AASS: variants seen among roughly 807,000 people sequenced by gnomAD.
AASS encodes the protein alpha-aminoadipic semialdehyde synthase, mitochondrial.
Under a neutral mutation model 105.4 loss-of-function variants are expected in AASS, and 86 were observed. That is an observed-to-expected ratio of 0.82 (90% confidence interval 0.69 to 0.98). The LOEUF (loss-of-function observed/expected upper bound fraction) is 0.98, where lower values mean the gene tolerates loss of function less well. AASS is among the 50% of genes least tolerant of loss of function. The pLI is 0.00. For missense variants in AASS, 1,048 were observed against 1,143.2 expected (o/e 0.92, Z 1.20); for synonymous variants, 381 against 394.8 (o/e 0.96, Z 0.41).
rs113391682 is a variant in AASS at position 122,106,989 on chromosome 7, T to C, written c.1279-5309A>G. Among the ~76,000 whole-genome samples, 628 of 152,118 alleles carry C rather than the reference T, an allele frequency of 4.1e-3. 7 individuals are homozygous for C. The highest frequency in any genetic ancestry group is 0.014 in the African/African-American group (598 of 41,530). ...AATGGGAGAAAATATTTGCAAACTATGCATCTGACAAAAGTCTAATATCTA... is the reference window on the plus strand; with the variant it reads ...AATGGGAGAAAATATTTGCAAACTACGCATCTGACAAAAGTCTAATATCTA... On this transcript the variant is annotated intron_variant, in intron 11 of 23. Transcript: ENST00000417368.
rs1793004059 is a variant in AASS, at chr7:122,076,306, C to T, written c.*183G>A. 10 of 579,744 alleles carry T rather than the reference C, an allele frequency of 1.7e-5. No homozygotes were observed. The South Asian group carries it at 2.2e-4, about 13-fold the overall frequency. 35.9% of individuals were successfully genotyped at this position (579,744 alleles called of 1,614,324 possible). ...AATTATTAAAGTTCTCTGTTAGTGG[C>T]TTGCATCTCCTGTTCCAAACATTTC... On this transcript the variant is annotated 3_prime_UTR_variant, in exon 24 of 24. Coordinates refer to ENST00000417368, the MANE Select transcript of AASS (RefSeq NM_005763.4).
At chr7:122,125,240 G>T (rs752705774) in intron 4 of AASS, among the ~76,000 whole-genome samples, 5 of 152,032 alleles carry the variant, frequency 3.3e-5, no homozygotes, top group Admixed American at 2.0e-4. Context: ...TTAAGTAAAA[G>T]AATTTTTTGA....
At position 122,074,044 on chromosome 7, in the gene AASS, T is replaced by C. The variant is rs12540216; in HGVS notation, c.*2445A>G. On this transcript the variant is annotated 3_prime_UTR_variant, in exon 24 of 24. Coordinates refer to ENST00000417368, the MANE Select transcript of AASS (RefSeq NM_005763.4). ...TAAATAATGCTGCAAAGAACATCTG[T>C]GCACAAGTTTTTGTGTAGACATTTG... Among the ~76,000 whole-genome samples, 879 of 152,350 alleles carry C rather than the reference T, an allele frequency of 5.8e-3. 17 individuals are homozygous for C. Among genetic ancestry groups the C allele is most frequent in the African/African-American group, 0.02 (815 of 41,582 alleles).
intron 19 of AASS, among the ~76,000 whole-genome samples, chr7:122,083,861 C>T (rs1793496836): frequency 6.6e-6 from 1 of 152,034 alleles, no homozygotes; most frequent in Non-Finnish European, 1.5e-5. Flanking sequence ...ATCTCCAATA[C>T]TGGAAAGAAT....
chr7:122,115,331 C>T, intron 8 of AASS, 109 bp from the exon 9 acceptor site: 1 of 1,389,972 alleles, frequency 7.2e-7, no homozygotes, highest in Non-Finnish European at 1.0e-6. Context: ...AATGTAACTT[C>T]TAATTGATTT....
At chr7:122,126,840 G>A (rs1276854843) in intron 3 of AASS, among the ~76,000 whole-genome samples, 6 of 151,980 alleles carry the variant, frequency 3.9e-5, no homozygotes, top group Admixed American at 6.6e-5. Context: ...ATTTTGAGAC[G>A]AATCTCTGTG....
At chr7:122,079,185 G>A (rs1044008061) in intron 21 of AASS, 1 of 1,417,288 alleles carries the variant, frequency 7.1e-7, no homozygotes, top group African/African-American at 1.4e-5. Flanking sequence ...AGAGATGATG[G>A]ATTGTAATCC....
chr7:122,116,696 A>G lies in AASS; in HGVS notation c.831T>C (p.Ala277=). 1.2e-6 allele frequency: 2 copies of G among 1,614,158 alleles called. No individual in the cohort carries two copies. Among genetic ancestry groups the G allele is most frequent in the Non-Finnish European group, 1.7e-6 (2 of 1,179,998 alleles). The change falls in exon 8 of 24, where the codon GCT becomes GCC. Residue 277 remains alanine (A), a synonymous_variant. Transcript: ENST00000417368. Reference sequence around the variant, plus strand: ...TGTCATACTCTGCAGGATCATACACAGCATCTGTTTTCCTGACAAGATGAT... The same window carrying G: ...TGTCATACTCTGCAGGATCATACACGGCATCTGTTTTCCTGACAAGATGAT... The part of the protein sequence containing the change: ...RHHHLVRKTD[A]VYDPAEYDKH...
Position 122,126,369 on chromosome 7 carries a change from A to G in AASS, c.472+6T>C. On this transcript the variant is annotated splice_donor_region_variant and intron_variant, in intron 4 of 23. Coordinates refer to ENST00000417368, the MANE Select transcript of AASS (RefSeq NM_005763.4). ...AAGTGGGTGATGTAAGCCCTGGCATACTTACCTGCCACACCAGCCCACTGT... is the reference window on the plus strand; with the variant it reads ...AAGTGGGTGATGTAAGCCCTGGCATGCTTACCTGCCACACCAGCCCACTGT... 2.5e-6 allele frequency: 4 copies of G among 1,612,550 alleles called. No individual in the cohort carries two copies. Among genetic ancestry groups the G allele is most frequent in the Non-Finnish European group, 3.4e-6 (4 of 1,178,624 alleles).
intron 1 of AASS, among the ~76,000 whole-genome samples, chr7:122,141,477 C>T (rs903449573): frequency 6.6e-6 from 1 of 151,970 alleles, no homozygotes; most frequent in African/African-American, 2.4e-5. Context: ...TTGTGTTTTA[C>T]TCATCTCTGT....
chr7:122,113,378 A>G, intron 10 of AASS, 149 bp from the exon 11 acceptor site: 8 of 994,058 alleles, frequency 8.0e-6, no homozygotes, highest in Non-Finnish European at 1.2e-5. Flanking sequence ...CTTTTCAAAC[A>G]AAACGTTTTC....
At chr7:122,138,861 C>T (rs1000201333) in intron 1 of AASS, among the ~76,000 whole-genome samples, 4 of 152,048 alleles carry the variant, frequency 2.6e-5, no homozygotes, top group Non-Finnish European at 5.9e-5. Flanking sequence ...AGACAGAGCT[C>T]GGCACTCCAT....
Position 122,076,517 on chromosome 7 carries a change from T to A in AASS, c.2753A>T (p.Tyr918Phe). 6.2e-7 allele frequency: 1 copy of A among 1,613,430 alleles called. No homozygotes were observed. Among genetic ancestry groups the A allele is most frequent in the Non-Finnish European group, 8.5e-7 (1 of 1,179,352 alleles). ...LERIKAEGII[Y>F]TTQSTIKP ...TGGTTTAATTGTACTCTGTGTAGTA[T>A]ATATAATGCCTTCTGCTTTAATTCG... Residue 918 changes from tyrosine to phenylalanine, a missense_variant, in exon 24 of 24, where the codon TAT becomes TTT. Physicochemically the swap from Tyr to Phe is conservative, Grantham distance 22. Transcript: ENST00000417368.
In AASS at chr7:122,079,659, C is replaced by A; in HGVS notation, c.2334G>T (p.Val778=). ...VGISPSSEHD[V]LKEAVLKKLG... ...GTTTCTTAAGAACAGCTTCCTTCAA[C>A]ACATCATGCTCAGAGGAGGGTGAAA... is the stretch of plus-strand genomic sequence containing the variant. The change falls in exon 21 of 24, where the codon GTG becomes GTT. Residue 778 remains valine (V), a synonymous_variant. Coordinates refer to ENST00000417368, the MANE Select transcript of AASS (RefSeq NM_005763.4). 7.4e-6 allele frequency: 12 copies of A among 1,614,044 alleles called. No individual in the cohort carries two copies. The highest frequency in any genetic ancestry group is 1.0e-5 in the Non-Finnish European group (12 of 1,179,956).
At chr7:122,077,227 GT>G (rs1308865534) in intron 23 of AASS, among the ~76,000 whole-genome samples, 2 of 151,862 alleles carry the variant, frequency 1.3e-5, no homozygotes, top group African/African-American at 4.8e-5. Flanking sequence ...TTTCTTGAGG[GT>G]CAAACAGAGG....
intron 11 of AASS, among the ~76,000 whole-genome samples, chr7:122,111,029 C>T (rs1794905734): frequency 6.6e-6 from 1 of 152,046 alleles, no homozygotes; most frequent in Admixed American, 6.6e-5. Context: ...TACATAATAT[C>T]CACATCATCC....
Position 122,101,530 on chromosome 7 carries a change from C to T in AASS, c.1338+91G>A, listed in dbSNP as rs529736315. The T allele has an allele frequency of 3.9e-4, 583 of 1,481,368 alleles. 4 individuals are homozygous for T. The Middle Eastern group carries it at 4.1e-3, about 11-fold the overall frequency. 91.8% of individuals were successfully genotyped at this position (1,481,368 alleles called of 1,614,324 possible). A position where few individuals can be genotyped will look rare whatever the true frequency, so the allele number is the denominator to read the frequency against. ...GACTGATAGAGAAAAGACAGAATGACAAAGATGGAGAGAGAGAGAAACAGA... is the reference window on the plus strand; with the variant it reads ...GACTGATAGAGAAAAGACAGAATGATAAAGATGGAGAGAGAGAGAAACAGA... On this transcript the variant is annotated intron_variant, in intron 12 of 23. Coordinates refer to ENST00000417368, the MANE Select transcript of AASS (RefSeq NM_005763.4).
Position 122,133,585 on chromosome 7 carries a change from T to C in AASS, c.142A>G (p.Lys48Glu), listed in dbSNP as rs762066518. Reference protein sequence around the residue: ...RRAPLAPKHIKGITNLGYKVL... With the variant: ...RRAPLAPKHIEGITNLGYKVL... Reference sequence around the variant, plus strand: ...TTGTATCCCAGATTGGTGATGCCTTTGATGTGCTTGGGAGCTAGCGGGGCC... The same window carrying C: ...TTGTATCCCAGATTGGTGATGCCTTCGATGTGCTTGGGAGCTAGCGGGGCC... The change falls in exon 2 of 24, where the codon AAA (lysine) becomes GAA (glutamate). Residue 48 changes from lysine (K) to glutamate (E), a missense_variant. Coordinates refer to ENST00000417368, the MANE Select transcript of AASS (RefSeq NM_005763.4). 1.2e-6 allele frequency: 2 copies of C among 1,614,234 alleles called. No individual in the cohort carries two copies. Among genetic ancestry groups the C allele is most frequent in the East Asian group, 4.5e-5 (2 of 44,868 alleles).
intron 17 of AASS, 106 bp from the exon 18 acceptor site, chr7:122,091,949 T>C (rs1793923424): frequency 1.2e-6 from 1 of 842,512 alleles, no homozygotes; most frequent in African/African-American, 1.7e-5. Flanking sequence ...GCTACAGTTT[T>C]TCATTCTTAA....
Sources: allele counts gnomAD v4.1 joint callset (sites outside exome capture counted in the v4.1 genomes callset), GRCh38; gene constraint gnomAD v4.1.1; transcripts MANE v1.5; gene names NCBI Gene and HGNC (gene_info 2026-07-23, HGNC 2026-07-21).